HPSE2: variants seen among roughly 807,000 people sequenced by gnomAD.
HPSE2 encodes inactive heparanase-2.
HPSE2 carries 38 observed loss-of-function variants against 60.5 expected under a neutral mutation model. The observed-to-expected ratio is 0.63, with a 90% CI of 0.48 to 0.82. HPSE2 has a LOEUF of 0.82. HPSE2 is among the 40% of genes least tolerant of loss of function. The probability of loss-of-function intolerance (pLI) is 0.00; values close to 1 mark genes in which losing one functional copy is unlikely to be tolerated. For synonymous variants in HPSE2, 295 were observed against 293.2 expected (o/e 1.01, Z -0.06); for missense variants, 713 against 740.4 (o/e 0.96, Z 0.43).
intron 3 of HPSE2, among the ~76,000 whole-genome samples, chr10:98,890,960 T>G (rs1193134666): frequency 6.6e-6 from 1 of 152,228 alleles, no homozygotes; most frequent in Non-Finnish European, 1.5e-5. Flanking sequence ...ACCATATAAA[T>G]GCACTTGTAT....
intron 3 of HPSE2, among the ~76,000 whole-genome samples, chr10:98,782,939 A>ATT (rs1393136954): frequency 0.029 from 1,117 of 37,924 alleles, 14 homozygotes; most frequent in South Asian, 0.043. Flanking sequence ...TTTTTTTTTA[A>ATT]TGTTTTTTTT....
intron 3 of HPSE2, among the ~76,000 whole-genome samples, chr10:98,928,810 G>C (rs1251222161): frequency 8.6e-6 from 1 of 116,392 alleles, no homozygotes; most frequent in African/African-American, 4.0e-5. Flanking sequence ...GACTCAGGAA[G>C]GGGAACATCA....
intron 2 of HPSE2, among the ~76,000 whole-genome samples, chr10:99,207,078 A>G (rs1246471316): frequency 6.6e-6 from 1 of 152,216 alleles, no homozygotes; most frequent in Non-Finnish European, 1.5e-5. Context: ...ATCAATTGCA[A>G]TCCAAATAAG....
intron 3 of HPSE2, chr10:98,924,358 C>G (rs1954383123): frequency 6.6e-6 from 1 of 152,294 alleles, no homozygotes. Context: ...CAAGGCCCTT[C>G]CCGTCAGGGT....
intron 2 of HPSE2, among the ~76,000 whole-genome samples, chr10:99,183,316 T>C (rs1297699640): frequency 6.6e-6 from 1 of 152,156 alleles, no homozygotes; most frequent in African/African-American, 2.4e-5. Context: ...TAATGACCTA[T>C]GCATATATGT....
intron 11 of HPSE2, among the ~76,000 whole-genome samples, chr10:98,462,424 C>T (rs1427290739): frequency 3.9e-5 from 6 of 152,196 alleles, no homozygotes; most frequent in Admixed American, 2.0e-4. Flanking sequence ...AGCGATCCAC[C>T]TGCCTTGGCC....
At chr10:99,029,030 A>G (rs1957439642) in intron 3 of HPSE2, among the ~76,000 whole-genome samples, 1 of 152,226 alleles carries the variant, frequency 6.6e-6, no homozygotes, top group African/African-American at 2.4e-5. Context: ...TTAAACTACT[A>G]CAAGAAAAGA....
chr10:98,970,403 C>T (rs553379616), intron 3 of HPSE2, among the ~76,000 whole-genome samples: 36 of 152,296 alleles, frequency 2.4e-4, no homozygotes, highest in Admixed American at 9.8e-4. Context: ...CTTCCAACAC[C>T]AGAGACCACA....
chr10:98,571,929 G>A (rs987053748), intron 9 of HPSE2, among the ~76,000 whole-genome samples: 2 of 104,672 alleles, frequency 1.9e-5, no homozygotes, highest in South Asian at 4.3e-4. Context: ...CAGAGCAAGA[G>A]AATTCCTTTT....
chr10:98,609,034 G>A (rs1007496144), intron 9 of HPSE2, among the ~76,000 whole-genome samples: 2 of 152,168 alleles, frequency 1.3e-5, no homozygotes, highest in African/African-American at 4.8e-5. Context: ...TAATGCCTCT[G>A]TACTTTAAAT....
chr10:98,528,216 T>C (rs904721559), intron 9 of HPSE2, among the ~76,000 whole-genome samples: 2 of 152,154 alleles, frequency 1.3e-5, no homozygotes, highest in East Asian at 3.9e-4. Flanking sequence ...AAAGGGATCC[T>C]CATCCCTGAC....
intron 3 of HPSE2, among the ~76,000 whole-genome samples, chr10:99,128,859 T>TA (rs1377851777): frequency 3.3e-5 from 5 of 152,184 alleles, no homozygotes; most frequent in Middle Eastern, 3.4e-3. Flanking sequence ...ATTTCATTTT[T>TA]TAAAAAAAAA....
At chr10:98,928,314 G>A (rs1208730810) in intron 3 of HPSE2, among the ~76,000 whole-genome samples, 1 of 96,024 alleles carries the variant, frequency 1.0e-5, no homozygotes, top group East Asian at 2.9e-4. Flanking sequence ...AGTTAGAATG[G>A]CAATCATTAA....
At chr10:98,939,169 T>C (rs1474892775) in intron 3 of HPSE2, among the ~76,000 whole-genome samples, 1 of 143,792 alleles carries the variant, frequency 7.0e-6, no homozygotes, top group East Asian at 2.0e-4. Context: ...AGGAAGAAAC[T>C]GCATCAACTA....
At chr10:98,771,301 A>G (rs1214016183) in intron 3 of HPSE2, among the ~76,000 whole-genome samples, 2 of 152,162 alleles carry the variant, frequency 1.3e-5, no homozygotes, top group Non-Finnish European at 2.9e-5. Flanking sequence ...GCTATATTGG[A>G]AAAACCCAGT....
intron 5 of HPSE2, among the ~76,000 whole-genome samples, chr10:98,711,165 C>T (rs1002230765): frequency 2.6e-5 from 4 of 152,170 alleles, no homozygotes; most frequent in African/African-American, 9.6e-5. Flanking sequence ...ATGATACACA[C>T]CCCTTGACAG....
chr10:99,293,765 G>A, the HPSE2 span, among the ~76,000 whole-genome samples: 8 of 152,112 alleles, frequency 5.3e-5, no homozygotes, highest in South Asian at 4.2e-4. Context: ...TAACAATTAC[G>A]AGTTTTCAAA....
intron 3 of HPSE2, among the ~76,000 whole-genome samples, chr10:99,117,364 C>A (rs1844737055): frequency 1.0e-5 from 1 of 97,034 alleles, no homozygotes; most frequent in Non-Finnish European, 1.9e-5. Flanking sequence ...CTAAAGGAGA[C>A]TGAGACATAA....
At chr10:98,779,010 T>C (rs998649267) in intron 3 of HPSE2, among the ~76,000 whole-genome samples, 38 of 152,206 alleles carry the variant, frequency 2.5e-4, no homozygotes, top group Non-Finnish European at 1.5e-5. Context: ...TTAAGATTTA[T>C]ATCAAATTGC....
Sources: gnomAD v4.1 joint callset for allele counts (sites outside exome capture counted in the v4.1 genomes callset) on GRCh38, gnomAD v4.1.1 for gene constraint, MANE v1.5 for transcripts, NCBI Gene and HGNC (gene_info 2026-07-23, HGNC 2026-07-21) for gene names.